ASIC2: variants seen among roughly 807,000 people sequenced by gnomAD.
ASIC2 encodes acid-sensing ion channel 2.
Under a neutral mutation model 57.3 loss-of-function variants are expected in ASIC2, and 25 were observed. The observed-to-expected ratio is 0.44, with a 90% CI of 0.32 to 0.61. The LOEUF (loss-of-function observed/expected upper bound fraction) is 0.61, where lower values mean the gene tolerates loss of function less well. Among genes scored for constraint, ASIC2 ranks in the 20% least tolerant of loss-of-function variants. The pLI is 0.06. For synonymous variants in ASIC2, 319 were observed against 307.5 expected, an observed-to-expected ratio of 1.04 and a Z score of -0.39; for missense variants, 641 against 738.1, an observed-to-expected ratio of 0.87 and a Z score of 1.52.
rs564711058 is a variant in ASIC2 at position 33,859,465 on chromosome 17, A to G, written c.555+296513T>C. On this transcript the variant is annotated intron_variant, in intron 1 of 9. Coordinates refer to the ASIC2 transcript ENST00000359872. ...TTACCGTCCATCTGTTACAAGAAAGAAACCCAAGCTCAATCAGAGATTAAG... is the reference window on the plus strand; with the variant it reads ...TTACCGTCCATCTGTTACAAGAAAGGAACCCAAGCTCAATCAGAGATTAAG... 5.3e-5 allele frequency among the ~76,000 whole-genome samples: 8 copies of G among 152,342 alleles called. No homozygotes were observed. In the East Asian group the frequency reaches 1.5e-3, roughly 29 times the overall value.
chr17:33,791,150 A>C lies in ASIC2; in HGVS notation c.555+364828T>G, dbSNP rs552407402. ...TGCTCAAAGTCAGGAGTCACGAACA[A>C]TGAGATGGAAGAAGCCATGAGGATT... is the stretch of plus-strand genomic sequence containing the variant. On this transcript the variant is annotated intron_variant, in intron 1 of 9. Coordinates refer to the ASIC2 transcript ENST00000359872. Among the ~76,000 whole-genome samples the C allele has an allele frequency of 1.8e-4, 27 of 152,282 alleles. 1 individual carries two copies. The highest frequency in any genetic ancestry group is 6.3e-4 in the African/African-American group (26 of 41,572).
intron 1 of ASIC2, among the ~76,000 whole-genome samples, chr17:33,871,369 G>A (rs949984499): frequency 1.3e-5 from 2 of 152,182 alleles, no homozygotes; most frequent in African/African-American, 2.4e-5. Context: ...CTAACTACCT[G>A]CGGCAAGGCA....
intron 1 of ASIC2, among the ~76,000 whole-genome samples, chr17:33,888,247 G>T (rs1914876690): frequency 6.6e-6 from 1 of 152,158 alleles, no homozygotes; most frequent in Non-Finnish European, 1.5e-5. Context: ...GGGAAGGCTT[G>T]CAGGAAGATG....
rs138630639 is a variant in ASIC2, at chr17:34,141,792, G to T, written c.555+14186C>A. Among the ~76,000 whole-genome samples, 8 of 152,316 alleles carry T rather than the reference G, an allele frequency of 5.3e-5. No homozygotes were observed. The East Asian group carries it at 1.5e-3, about 29-fold the overall frequency. ...CCTGCAGCAATGAGCTATGTGTCCT[G>T]CCTGAAACAGTGTTCTGCATGTAAG... On this transcript the variant is annotated intron_variant, in intron 1 of 9. Coordinates refer to the ASIC2 transcript ENST00000359872.
chr17:33,981,141 G>A (rs574753936), intron 1 of ASIC2, among the ~76,000 whole-genome samples: 5 of 151,652 alleles, frequency 3.3e-5, no homozygotes, highest in South Asian at 2.1e-4. Flanking sequence ...TAGTAGAGAC[G>A]GGGTTTCACC....
intron 1 of ASIC2, among the ~76,000 whole-genome samples, chr17:33,462,499 G>A (rs1199637093): frequency 2.0e-5 from 3 of 152,176 alleles, no homozygotes; most frequent in Non-Finnish European, 4.4e-5. Context: ...AGGAAATGGG[G>A]CCCCAGGATG....
At chr17:33,453,678 A>C (rs757538817) in intron 1 of ASIC2, among the ~76,000 whole-genome samples, 10 of 152,188 alleles carry the variant, frequency 6.6e-5, no homozygotes, top group Non-Finnish European at 7.4e-5. Flanking sequence ...GGTACGACTT[A>C]ATATGTTTGA....
intron 1 of ASIC2, among the ~76,000 whole-genome samples, chr17:33,209,612 C>T (rs9898045): frequency 0.19 from 29,082 of 152,182 alleles, 3,008 homozygotes; most frequent in East Asian, 0.38. Context: ...CCAAAACTGC[C>T]ACCGCTTAAG....
chr17:33,578,498 T>C (rs1055992149), intron 1 of ASIC2, among the ~76,000 whole-genome samples: 5 of 152,174 alleles, frequency 3.3e-5, no homozygotes, highest in South Asian at 2.1e-4. Flanking sequence ...GGCGAGACAA[T>C]TGGGACGGAT....
intron 1 of ASIC2, among the ~76,000 whole-genome samples, chr17:34,131,094 G>A (rs946529905): frequency 6.7e-6 from 1 of 150,056 alleles, no homozygotes; most frequent in South Asian, 2.1e-4. Context: ...ACAAAGCTGA[G>A]GGGCCAGTGG....
At chr17:33,811,584 A>G (rs566328433) in intron 1 of ASIC2, among the ~76,000 whole-genome samples, 1 of 152,332 alleles carries the variant, frequency 6.6e-6, no homozygotes, top group African/African-American at 2.4e-5. Context: ...TCCCTAAGAG[A>G]TCACAGCACA....
At chr17:33,238,450 C>T (rs1908379518) in intron 1 of ASIC2, among the ~76,000 whole-genome samples, 2 of 152,228 alleles carry the variant, frequency 1.3e-5, no homozygotes, top group Non-Finnish European at 2.9e-5. Context: ...TTAGAGCCAG[C>T]AAAGGCAACA....
At chr17:33,017,936 G>A (rs1359753226) in intron 7 of ASIC2, among the ~76,000 whole-genome samples, 1 of 152,224 alleles carries the variant, frequency 6.6e-6, no homozygotes, top group Non-Finnish European at 1.5e-5. Flanking sequence ...TAGATCTCAT[G>A]ACCCACAGGG....
chr17:33,464,945 C>T (rs1296453999), intron 1 of ASIC2, among the ~76,000 whole-genome samples: 2 of 151,944 alleles, frequency 1.3e-5, no homozygotes, highest in African/African-American at 4.8e-5. Context: ...GAACATTTTC[C>T]CTTTAAATGT....
At chr17:33,590,831 C>T (rs1904803540) in intron 1 of ASIC2, among the ~76,000 whole-genome samples, 1 of 152,188 alleles carries the variant, frequency 6.6e-6, no homozygotes, top group Non-Finnish European at 1.5e-5. Flanking sequence ...GAGAAAATTT[C>T]TAGAAATTCT....
chr17:33,820,493 GA>G (rs1912710921), intron 1 of ASIC2, among the ~76,000 whole-genome samples: 1 of 152,166 alleles, frequency 6.6e-6, no homozygotes, highest in Admixed American at 6.5e-5. Context: ...TTTCATATGT[GA>G]AAAGAAATAT....
At chr17:33,528,714 C>G (rs1313729616) in intron 1 of ASIC2, among the ~76,000 whole-genome samples, 1 of 152,218 alleles carries the variant, frequency 6.6e-6, no homozygotes, top group Admixed American at 6.5e-5. Flanking sequence ...TCCCTTCCAT[C>G]TACATCTAGC....
intron 1 of ASIC2, among the ~76,000 whole-genome samples, chr17:33,928,139 A>G (rs185936849): frequency 3.9e-4 from 60 of 152,292 alleles, no homozygotes; most frequent in African/African-American, 1.2e-3. Flanking sequence ...CAACTGGAAA[A>G]AAACCACAAT....
intron 1 of ASIC2, among the ~76,000 whole-genome samples, chr17:33,462,294 C>A (rs1051721655): frequency 6.6e-6 from 1 of 152,216 alleles, no homozygotes; most frequent in African/African-American, 2.4e-5. Context: ...CATTTTCCAG[C>A]CTCTTTTACA....
Sources: gnomAD v4.1 joint callset for allele counts (sites outside exome capture counted in the v4.1 genomes callset) on GRCh38, gnomAD v4.1.1 for gene constraint, MANE v1.5 for transcripts, NCBI Gene and HGNC (gene_info 2026-07-23, HGNC 2026-07-21) for gene names.